The following LRP2 variants were observed in gnomAD, a reference collection of about 807,000 sequenced individuals.
LRP2 encodes low-density lipoprotein receptor-related protein 2.
In LRP2, 172 loss-of-function variants were observed where a neutral mutation model predicts 531.0. That is an observed-to-expected ratio of 0.32 (90% CI 0.29 to 0.37). The LOEUF (loss-of-function observed/expected upper bound fraction) is 0.37, where lower values mean the gene tolerates loss of function less well. Among genes scored for constraint, LRP2 ranks in the 10% least tolerant of loss-of-function variants. The probability of loss-of-function intolerance (pLI) is 1.00; values close to 1 mark genes in which losing one functional copy is unlikely to be tolerated. For synonymous variants in LRP2, 1,992 were observed against 2,027.6 expected (o/e 0.98, Z 0.47); for missense variants, 5,167 against 5,868.3 (o/e 0.88, Z 3.90).
intron 52 of LRP2, among the ~76,000 whole-genome samples, chr2:169,178,410 T>C (rs1687297659): frequency 6.6e-6 from 1 of 152,190 alleles, no homozygotes; most frequent in Non-Finnish European, 1.5e-5. Context: ...TTCTTGTTTC[T>C]TCCAACACCA....
chr2:169,156,300 C>A lies in LRP2; in HGVS notation c.12125G>T (p.Arg4042Leu), dbSNP rs199874294. 3.1e-6 allele frequency: 5 copies of A among 1,613,600 alleles called. No individual in the cohort carries two copies. In the Admixed American group the frequency reaches 5.0e-5, roughly 16 times the overall value. The change falls in exon 65 of 79, where the codon CGC (arginine) becomes CTC (leucine). Residue 4042 changes from arginine (R) to leucine (L), a missense_variant. Coordinates refer to ENST00000649046, the MANE Select transcript of LRP2 (RefSeq NM_004525.3). ...CADGFTSMSD[R>L]PGKRCAAEGS... is the part of the protein sequence containing the mutation. The stretch of plus-strand genomic sequence containing the variant: ...CTCAGCTGCACATCGTTTTCCAGGG[C>A]GGTCACTCATAGACGTGAAGCCATC...
chr2:169,351,861 C>T (rs1285935014), intron 1 of LRP2, among the ~76,000 whole-genome samples: 1 of 152,080 alleles, frequency 6.6e-6, no homozygotes, highest in Non-Finnish European at 1.5e-5. Context: ...ATAAAGGGGC[C>T]AAGCTGCTGA....
intron 26 of LRP2, 101 bp from the exon 27 acceptor site, chr2:169,238,403 G>A (rs1378097779): frequency 3.5e-6 from 3 of 850,504 alleles, no homozygotes; most frequent in Non-Finnish European, 1.9e-6. Flanking sequence ...CAGAAAGAAG[G>A]TGTAATTCCA....
chr2:169,157,867 AATAG>A lies in LRP2; in HGVS notation c.11888-369_11888-366del, dbSNP rs535522609. Among the ~76,000 whole-genome samples, 123 of 151,754 alleles carry A rather than the reference AATAG, an allele frequency of 8.1e-4. 1 individual carries two copies. The highest frequency in any genetic ancestry group is 2.8e-3 in the African/African-American group (117 of 41,390). On this transcript the variant is annotated intron_variant, in intron 63 of 78. Transcript: ENST00000649046. The stretch of plus-strand genomic sequence containing the variant: ...TAATCCTATTGCAAATAGATAGATC[AATAG>A]ATAGATAGAGAGATAGATGATAGAT...
At chr2:169,352,760 C>A (rs557252799) in intron 1 of LRP2, among the ~76,000 whole-genome samples, 12 of 151,788 alleles carry the variant, frequency 7.9e-5, no homozygotes, top group Non-Finnish European at 1.3e-4. Context: ...AACAGAAAAC[C>A]AAACACCGCA....
chr2:169,144,582 G>A (rs1317418733), intron 70 of LRP2, among the ~76,000 whole-genome samples: 1 of 152,168 alleles, frequency 6.6e-6, no homozygotes, highest in African/African-American at 2.4e-5. Flanking sequence ...AAATTGCCAA[G>A]TGTGAGAGCC....
chr2:169,219,037 C>T (rs574083959), intron 34 of LRP2, among the ~76,000 whole-genome samples: 1 of 152,318 alleles, frequency 6.6e-6, no homozygotes, highest in East Asian at 1.9e-4. Flanking sequence ...AACAAAGGTA[C>T]ACAATGCAGA....
chr2:169,213,190 T>C (rs752237960), intron 36 of LRP2, among the ~76,000 whole-genome samples: 43 of 152,320 alleles, frequency 2.8e-4, no homozygotes, highest in South Asian at 6.2e-4. Flanking sequence ...AAGCATTCTT[T>C]TTAAGACTAA....
intron 50 of LRP2, 107 bp downstream of exon 50, chr2:169,185,396 T>A: frequency 9.8e-7 from 1 of 1,024,306 alleles, no homozygotes; most frequent in African/African-American, 1.6e-5. Flanking sequence ...ACATTAAATG[T>A]ATCTGCATAT....
At chr2:169,152,105 A>G (rs1686162565) in intron 67 of LRP2, among the ~76,000 whole-genome samples, 2 of 152,210 alleles carry the variant, frequency 1.3e-5, no homozygotes, top group South Asian at 4.1e-4. Flanking sequence ...GAATGAGCTT[A>G]CTAACTTCTC....
chr2:169,309,187 G>A (rs1012416257), intron 3 of LRP2, among the ~76,000 whole-genome samples: 4 of 152,160 alleles, frequency 2.6e-5, no homozygotes, highest in African/African-American at 9.7e-5. Flanking sequence ...TGTTCACTCT[G>A]ATGGTAGTTT....
At chr2:169,226,273 C>T (rs959613062) in intron 32 of LRP2, 149 bp downstream of exon 32, 35 of 656,496 alleles carry the variant, frequency 5.3e-5, no homozygotes, top group Non-Finnish European at 8.0e-5. Context: ...CATATATACC[C>T]CTCATTGAAT....
chr2:169,162,364 A>G, intron 63 of LRP2, 108 bp downstream of exon 63: 1 of 1,326,580 alleles, frequency 7.5e-7, no homozygotes, highest in African/African-American at 1.4e-5. Context: ...TCAAGCAAAA[A>G]GTACATTAAG....
intron 5 of LRP2, 40 bp from the exon 6 acceptor site, chr2:169,294,301 T>TTA (rs1278352530): frequency 1.7e-6 from 2 of 1,179,802 alleles, no homozygotes; most frequent in South Asian, 2.4e-5. Flanking sequence ...AAGAGAGAAG[T>TTA]TAACTCCATT....
chr2:169,199,649 G>A (rs979681293), intron 44 of LRP2, among the ~76,000 whole-genome samples: 1 of 151,502 alleles, frequency 6.6e-6, no homozygotes, highest in African/African-American at 2.4e-5. Flanking sequence ...TATATATCAG[G>A]TTGATAGCAT....
chr2:169,133,432 C>T lies in LRP2; in HGVS notation c.13621-751G>A, dbSNP rs536849015. On this transcript the variant is annotated intron_variant, in intron 76 of 78. Coordinates refer to ENST00000649046, the MANE Select transcript of LRP2 (RefSeq NM_004525.3). ...GAAGATGTCAAATGAAATGTCGTAT[C>T]TCTTTTATCATGTGATTAAAGTTTT... 6.6e-5 allele frequency among the ~76,000 whole-genome samples: 10 copies of T among 152,350 alleles called. No homozygotes were observed. The South Asian group carries it at 2.1e-3, about 32-fold the overall frequency.
At chr2:169,352,437 T>C (rs1685874952) in intron 1 of LRP2, among the ~76,000 whole-genome samples, 1 of 152,188 alleles carries the variant, frequency 6.6e-6, no homozygotes, top group Non-Finnish European at 1.5e-5. Flanking sequence ...CAGAGTATAT[T>C]TAACTGCCAC....
intron 51 of LRP2, 29 bp from the exon 52 acceptor site, chr2:169,181,647 C>T (rs1687436582): frequency 1.2e-6 from 2 of 1,606,594 alleles, no homozygotes; most frequent in South Asian, 1.1e-5. Context: ...AGGGTCAGTC[C>T]CTGATGCCAA....
At chr2:169,206,226 C>A (rs1185294761) in intron 39 of LRP2, 38 bp from the exon 40 acceptor site, 1 of 1,613,696 alleles carries the variant, frequency 6.2e-7, no homozygotes, top group Non-Finnish European at 8.5e-7. Flanking sequence ...CAAGCACACA[C>A]AAAGACATTA....
Sources: gnomAD v4.1 joint callset for allele counts (sites outside exome capture counted in the v4.1 genomes callset) on GRCh38, gnomAD v4.1.1 for gene constraint, MANE v1.5 for transcripts, NCBI Gene and HGNC (gene_info 2026-07-23, HGNC 2026-07-21) for gene names.